AKAP6: variants seen among roughly 807,000 people sequenced by gnomAD.
The protein encoded by AKAP6 is A-kinase anchoring protein 6, also known as A-kinase anchor protein 6.
In AKAP6, 58 loss-of-function variants were observed where a neutral mutation model predicts 188.5. The observed-to-expected ratio is 0.31, with a 90% confidence interval of 0.25 to 0.38. AKAP6 has a LOEUF of 0.38. Among genes scored for constraint, AKAP6 ranks in the 10% least tolerant of loss-of-function variants. AKAP6 has a pLI of 1.00. For missense variants in AKAP6, 2,710 were observed against 2,740.0 expected, an observed-to-expected ratio of 0.99 and a Z score of 0.24; for synonymous variants, 989 against 998.6, an observed-to-expected ratio of 0.99 and a Z score of 0.18.
Position 32,834,533 on chromosome 14 carries a change from C to CTTTTT in AKAP6, c.*4745_*4749dup, listed in dbSNP as rs11417769. 4.8e-5 allele frequency: 5 copies of CTTTTT among 103,844 alleles called. No individual in the cohort carries two copies. Among genetic ancestry groups the CTTTTT allele is most frequent in the East Asian group, 6.5e-4 (2 of 3,072 alleles). The allele number at this position is 103,844 out of a possible 1,614,324, so 6.4% of individuals were successfully genotyped here. On this transcript the variant is annotated 3_prime_UTR_variant, in exon 14 of 14. Transcript: ENST00000280979. ...CACACACTGCTTTTAGTTTCCAAGTCTTTTTTTTTTTTTTTTTTTTTAAAT... is the reference window on the plus strand; with the variant it reads ...CACACACTGCTTTTAGTTTCCAAGTCTTTTTTTTTTTTTTTTTTTTTTTTTTAAAT...
intron 9 of AKAP6, among the ~76,000 whole-genome samples, chr14:32,704,768 T>G (rs1265193669): frequency 6.6e-6 from 1 of 152,178 alleles, no homozygotes; most frequent in Non-Finnish European, 1.5e-5. Flanking sequence ...AGATAAATGA[T>G]AGGCTTAATG....
chr14:32,606,699 G>C (rs1886140445), intron 7 of AKAP6, among the ~76,000 whole-genome samples: 1 of 152,142 alleles, frequency 6.6e-6, no homozygotes, highest in African/African-American at 2.4e-5. Flanking sequence ...AGAGTTAGCT[G>C]CTTTGAACTC....
At chr14:32,571,805 T>A (rs1400548960) in intron 4 of AKAP6, among the ~76,000 whole-genome samples, 1 of 152,182 alleles carries the variant, frequency 6.6e-6, no homozygotes, top group Non-Finnish European at 1.5e-5. Flanking sequence ...TCCTCTGTGA[T>A]TAAACTGAGT....
intron 11 of AKAP6, among the ~76,000 whole-genome samples, chr14:32,757,550 G>A (rs1317883144): frequency 6.6e-6 from 1 of 152,226 alleles, no homozygotes; most frequent in Non-Finnish European, 1.5e-5. Context: ...GAATGGAGAG[G>A]TTCTGGTAGT....
At chr14:32,712,230 G>A (rs1187931917) in intron 9 of AKAP6, among the ~76,000 whole-genome samples, 2 of 151,900 alleles carry the variant, frequency 1.3e-5, no homozygotes. Context: ...ATAGCATTAT[G>A]TCTAAAAATG....
chr14:32,526,043 G>A (rs1200698467), intron 2 of AKAP6, among the ~76,000 whole-genome samples: 2 of 152,056 alleles, frequency 1.3e-5, no homozygotes, highest in East Asian at 1.9e-4. Flanking sequence ...TTCCCACTGC[G>A]CTCCATTATG....
chr14:32,346,126 A>C (rs1887057602), intron 1 of AKAP6, among the ~76,000 whole-genome samples: 1 of 152,078 alleles, frequency 6.6e-6, no homozygotes, highest in Non-Finnish European at 1.5e-5. Flanking sequence ...ACTACTCTAG[A>C]GCATTAGTGG....
At chr14:32,680,751 A>G (rs1319967358) in intron 8 of AKAP6, among the ~76,000 whole-genome samples, 1 of 152,240 alleles carries the variant, frequency 6.6e-6, no homozygotes, top group Non-Finnish European at 1.5e-5. Context: ...TAACCAAAAT[A>G]ACTTTTAGAA....
rs539452722 is a variant in AKAP6 at position 32,723,012 on chromosome 14, A to G, written c.3001-9442A>G. ...CCTAGATGCTGCCGCGGGCCAGTGC[A>G]GTGTTTTTTCCTGCTGACACCCAAA... is the stretch of plus-strand genomic sequence containing the variant. On this transcript the variant is annotated intron_variant, in intron 9 of 13. Coordinates refer to ENST00000280979, the MANE Select transcript of AKAP6 (RefSeq NM_004274.5). Among the ~76,000 whole-genome samples the G allele has an allele frequency of 2.0e-4, 30 of 152,272 alleles. No homozygotes were observed. The South Asian group carries it at 6.2e-3, about 32-fold the overall frequency.
In AKAP6 at chr14:32,576,502, G is replaced by GA. The variant is rs1398667977; in HGVS notation, c.2347-616dup. On this transcript the variant is annotated intron_variant, in intron 4 of 13. Coordinates refer to ENST00000280979, the MANE Select transcript of AKAP6 (RefSeq NM_004274.5). The stretch of plus-strand genomic sequence containing the variant: ...TATATCTTTATGTCTGTACATACCC[G>GA]AAGTCAAGTATTTATGTTTGTTCAT... Among the ~76,000 whole-genome samples the GA allele has an allele frequency of 6.6e-5, 10 of 152,144 alleles. No individual in the cohort carries two copies. The East Asian group carries it at 1.9e-3, about 29-fold the overall frequency.
chr14:32,821,323 T>G, intron 12 of AKAP6, 79 bp from the exon 13 acceptor site: 1 of 1,476,238 alleles, frequency 6.8e-7, no homozygotes, highest in Non-Finnish European at 9.1e-7. Context: ...CTGAGTCTTC[T>G]GAGAGATTTT....
intron 1 of AKAP6, among the ~76,000 whole-genome samples, chr14:32,353,549 A>G (rs889463990): frequency 6.6e-6 from 1 of 152,192 alleles, no homozygotes; most frequent in Non-Finnish European, 1.5e-5. Flanking sequence ...GGACAGAGCA[A>G]GACACAGAGA....
At chr14:32,819,044 T>C (rs1212254909) in intron 12 of AKAP6, among the ~76,000 whole-genome samples, 1 of 152,204 alleles carries the variant, frequency 6.6e-6, no homozygotes, top group Admixed American at 6.5e-5. Flanking sequence ...TCATTAGTAC[T>C]TCCTTTATCA....
chr14:32,779,758 A>G lies in AKAP6; in HGVS notation c.3588+5865A>G, dbSNP rs535636694. ...ACTTTTTCTCAATAGCTGATAGACC[A>G]GAAAAATCAGTAAAGATATAAAAGA... On this transcript the variant is annotated intron_variant, in intron 12 of 13. Transcript: ENST00000280979. 9.2e-5 allele frequency among the ~76,000 whole-genome samples: 14 copies of G among 152,340 alleles called. No homozygotes were observed. The East Asian group carries it at 1.7e-3, about 19-fold the overall frequency.
intron 8 of AKAP6, chr14:32,693,797 C>A (rs1339336742): frequency 6.6e-6 from 1 of 152,016 alleles, no homozygotes; most frequent in Non-Finnish European, 1.5e-5. Flanking sequence ...TGGCATTCCA[C>A]TTTTTCTGTC....
chr14:32,603,505 A>G (rs1165876458), intron 7 of AKAP6, among the ~76,000 whole-genome samples: 2 of 152,332 alleles, frequency 1.3e-5, no homozygotes, highest in East Asian at 3.9e-4. Flanking sequence ...CATTTCTCAA[A>G]AAGAGGACCT....
At chr14:32,805,714 C>T (rs979143234) in intron 12 of AKAP6, among the ~76,000 whole-genome samples, 2 of 152,308 alleles carry the variant, frequency 1.3e-5, no homozygotes, top group Admixed American at 6.5e-5. Context: ...ATCAGATTTA[C>T]TCCAATTTTC....
Position 32,551,745 on chromosome 14 carries a change from G to A in AKAP6, c.2346+4746G>A, listed in dbSNP as rs191232600. Among the ~76,000 whole-genome samples the A allele has an allele frequency of 1.7e-3, 251 of 151,522 alleles. 2 individuals are homozygous for A. The highest frequency in any genetic ancestry group is 5.4e-3 in the African/African-American group (223 of 41,394). ...ACGATCTCGGCTCACTGCAAGCTCC[G>A]CCTCCCAGGTTCACGCCATTCTCCT... On this transcript the variant is annotated intron_variant, in intron 4 of 13. Coordinates refer to ENST00000280979, the MANE Select transcript of AKAP6 (RefSeq NM_004274.5).
chr14:32,454,633 TTCCC>T, intron 2 of AKAP6, among the ~76,000 whole-genome samples: 1 of 141,578 alleles, frequency 7.1e-6, no homozygotes, highest in Admixed American at 6.9e-5. Context: ...CCTTCCTTCC[TTCCC>T]TCCCTCCCTC....
Sources: allele counts gnomAD v4.1 joint callset (sites outside exome capture counted in the v4.1 genomes callset), GRCh38; gene constraint gnomAD v4.1.1; transcripts MANE v1.5; gene names NCBI Gene and HGNC (gene_info 2026-07-23, HGNC 2026-07-21).